FYTTD1: variants seen among roughly 807,000 people sequenced by gnomAD.
FYTTD1 encodes the protein UAP56-interacting factor.
In FYTTD1, 22 loss-of-function variants were observed where a neutral mutation model predicts 40.9. That is an observed-to-expected ratio of 0.54 (90% CI 0.38 to 0.77). The LOEUF (loss-of-function observed/expected upper bound fraction) is 0.77, where lower values mean the gene tolerates loss of function less well. Ranked by LOEUF, FYTTD1 falls within the 30% of genes least tolerant of loss-of-function variation. The pLI, the probability that FYTTD1 is intolerant of heterozygous loss-of-function variation, is 0.00. For synonymous variants in FYTTD1, 140 were observed against 137.9 expected, an observed-to-expected ratio of 1.01 and a Z score of -0.10; for missense variants, 351 against 392.2, an observed-to-expected ratio of 0.90 and a Z score of 0.89.
intron 1 of FYTTD1, chr3:197,755,820 C>T: frequency 6.4e-7 from 1 of 1,550,946 alleles, no homozygotes; most frequent in South Asian, 1.2e-5. Flanking sequence ...ATGGAGCCTT[C>T]TGTGATTATG....
rs1170760648 is a variant in FYTTD1 at position 197,786,860 on chromosome 3, C to T, written c.*4951C>T. 1 of 152,170 alleles carries T rather than the reference C, an allele frequency of 6.6e-6. No homozygotes were observed. Among genetic ancestry groups the T allele is most frequent in the Non-Finnish European group, 1.5e-5 (1 of 68,044 alleles). The allele number at this position is 152,170 out of a possible 1,614,324, so 9.4% of individuals were successfully genotyped here. On this transcript the variant is annotated 3_prime_UTR_variant, in exon 9 of 9. Transcript: ENST00000241502. ...GCAGTGCAGTGGCACAATCTCGGCT[C>T]ACTGCAGCCTCTGCCTCCCAGGATC... is the stretch of plus-strand genomic sequence containing the variant.
intron 2 of FYTTD1, among the ~76,000 whole-genome samples, chr3:197,766,798 C>A (rs1219195984): frequency 6.6e-6 from 1 of 151,816 alleles, no homozygotes; most frequent in African/African-American, 2.4e-5. Context: ...GTGTAGTTGC[C>A]GAAAGATTGA....
At chr3:197,781,580 C>T (rs971247563) in intron 8 of FYTTD1, among the ~76,000 whole-genome samples, 14 of 152,154 alleles carry the variant, frequency 9.2e-5, no homozygotes, top group African/African-American at 3.4e-4. Context: ...GAAAATAATT[C>T]AGATAGGGGC....
At chr3:197,765,645 T>C (rs953785017) in intron 2 of FYTTD1, among the ~76,000 whole-genome samples, 1 of 152,050 alleles carries the variant, frequency 6.6e-6, no homozygotes, top group African/African-American at 2.4e-5. Context: ...GCAGATCACC[T>C]GAGGTCAGGA....
intron 2 of FYTTD1, 78 bp from the exon 3 acceptor site, chr3:197,768,361 T>G (rs1030044666): frequency 9.6e-6 from 10 of 1,044,104 alleles, no homozygotes; most frequent in Non-Finnish European, 1.4e-5. Flanking sequence ...TCCCCCTTCC[T>G]TGGGAAATAG....
In FYTTD1 at chr3:197,785,678, G is replaced by A. The variant is rs1316853661; in HGVS notation, c.*3769G>A. The A allele has an allele frequency of 6.6e-6, 1 of 151,828 alleles. No homozygotes were observed. The highest frequency in any genetic ancestry group is 1.5e-5 in the Non-Finnish European group (1 of 67,996). The allele number at this position is 151,828 out of a possible 1,614,324, so 9.4% of individuals were successfully genotyped here. ...GCTTTGTAATTCACACAAAGTATACGGGCCCAGAATAATTTTTGTTGATTT... is the reference window on the plus strand; with the variant it reads ...GCTTTGTAATTCACACAAAGTATACAGGCCCAGAATAATTTTTGTTGATTT... On this transcript the variant is annotated 3_prime_UTR_variant, in exon 9 of 9. Transcript: ENST00000241502.
At chr3:197,755,804 T>TA (rs769772167) in intron 1 of FYTTD1, 18 of 1,550,958 alleles carry the variant, frequency 1.2e-5, no homozygotes, top group African/African-American at 1.4e-5. Context: ...GGGTCATCTT[T>TA]AAAAAATGGA....
chr3:197,770,456 C>T (rs1010386370), intron 4 of FYTTD1, among the ~76,000 whole-genome samples: 10 of 152,160 alleles, frequency 6.6e-5, no homozygotes, highest in Non-Finnish European at 1.5e-4. Context: ...CCGATATAAG[C>T]TTTTTAAAAA....
chr3:197,764,438 A>G (rs1318707409), intron 2 of FYTTD1, among the ~76,000 whole-genome samples: 1 of 152,190 alleles, frequency 6.6e-6, no homozygotes, highest in African/African-American at 2.4e-5. Context: ...GGCGGGGCCA[A>G]GTGGCTCACG....
Position 197,778,350 on chromosome 3 carries a change from A to G in FYTTD1, c.744A>G (p.Pro248=). ...ATTTTTCTAATAGAACTCAGAAACCACGATTAACTCGTACTGCTGTACCTT... is the reference window on the plus strand; with the variant it reads ...ATTTTTCTAATAGAACTCAGAAACCGCGATTAACTCGTACTGCTGTACCTT... ...GAVQCPVTQK[P]RLTRTAVPSF... is the part of the protein sequence containing the mutation. The change falls in exon 8 of 9, where the codon CCA becomes CCG. Residue 248 remains proline, a synonymous_variant. Transcript: ENST00000241502. 2 of 1,596,930 alleles carry G rather than the reference A, an allele frequency of 1.3e-6. No individual in the cohort carries two copies. Among genetic ancestry groups the G allele is most frequent in the Non-Finnish European group, 1.7e-6 (2 of 1,174,432 alleles).
intron 2 of FYTTD1, among the ~76,000 whole-genome samples, chr3:197,762,059 A>G (rs1476953568): frequency 6.6e-6 from 1 of 152,162 alleles, no homozygotes; most frequent in African/African-American, 2.4e-5. Flanking sequence ...TTTTGTAAGG[A>G]CACTAATCCC....
At chr3:197,768,040 A>G (rs1729602571) in intron 2 of FYTTD1, among the ~76,000 whole-genome samples, 1 of 152,260 alleles carries the variant, frequency 6.6e-6, no homozygotes, top group Admixed American at 6.5e-5. Flanking sequence ...TATAATTTAT[A>G]TAAAATCATC....
Position 197,750,029 on chromosome 3 carries a change from A to G in FYTTD1, c.58A>G (p.Lys20Glu). The G allele has an allele frequency of 6.3e-7, 1 of 1,582,930 alleles. No individual in the cohort carries two copies. The highest frequency in any genetic ancestry group is 2.5e-5 in the East Asian group (1 of 40,702). Residue 20 changes from lysine (K) to glutamate (E), a missense_variant, in exon 1 of 9, where the codon AAG (lysine) becomes GAG (glutamate). By Grantham distance (56) the Lys-to-Glu change is moderately conservative. Transcript: ENST00000241502. ...GATATSSPPP[K>E]ARSNENLDKI... ...CACGGCGACTTCTTCGCCGCCGCCGAAGGCCCGCAGCAATGAAAACCTCGA... is the reference window on the plus strand; with the variant it reads ...CACGGCGACTTCTTCGCCGCCGCCGGAGGCCCGCAGCAATGAAAACCTCGA...
chr3:197,773,764 A>G (rs570713045), intron 5 of FYTTD1, among the ~76,000 whole-genome samples: 2 of 152,396 alleles, frequency 1.3e-5, no homozygotes, highest in East Asian at 1.9e-4. Flanking sequence ...GAATTCCAAC[A>G]GGGAACTGTT....
chr3:197,760,364 GTGTTCTTCAGTGGTAGAATGTATAGAGT>G (rs1580450495), intron 2 of FYTTD1, among the ~76,000 whole-genome samples: 2 of 151,608 alleles, frequency 1.3e-5, no homozygotes, highest in East Asian at 1.9e-4. Flanking sequence ...AATGTATAGA[GTGTTCTTCAGTGGTAGAATGTATAGAGT>G]TGTTCTTCAG....
intron 2 of FYTTD1, among the ~76,000 whole-genome samples, chr3:197,766,088 A>G (rs1256156847): frequency 6.8e-6 from 1 of 147,450 alleles, no homozygotes; most frequent in Non-Finnish European, 1.5e-5. Context: ...CTTTGAACCC[A>G]GGAGGTGGAG....
At chr3:197,772,271 C>G (rs1423527574) in intron 4 of FYTTD1, among the ~76,000 whole-genome samples, 3 of 152,146 alleles carry the variant, frequency 2.0e-5, no homozygotes, top group African/African-American at 7.2e-5. Context: ...GAACTTGAAT[C>G]TCTGAAAGAT....
chr3:197,777,594 T>A (rs551190423), intron 7 of FYTTD1, among the ~76,000 whole-genome samples: 7 of 152,336 alleles, frequency 4.6e-5, no homozygotes, highest in African/African-American at 1.7e-4. Flanking sequence ...ACATGCTACT[T>A]CTCCTAATCC....
At chr3:197,749,714 C>T (rs1000046794), upstream of FYTTD1, 4 of 631,840 alleles carry the variant, frequency 6.3e-6, no homozygotes, top group South Asian at 1.5e-5. Flanking sequence ...CGGCGGTCCT[C>T]GCGAGCGCCT....
Sources: allele counts gnomAD v4.1 joint callset (sites outside exome capture counted in the v4.1 genomes callset), GRCh38; gene constraint gnomAD v4.1.1; transcripts MANE v1.5; gene names NCBI Gene and HGNC (gene_info 2026-07-23, HGNC 2026-07-21).